DIAPH3: variants seen among roughly 807,000 people sequenced by gnomAD.
The protein encoded by DIAPH3 is diaphanous related formin 3.
A neutral mutation model predicts 144.3 loss-of-function variants in DIAPH3; 117 were observed. That is an observed-to-expected ratio of 0.81 (90% CI 0.70 to 0.95). The LOEUF (loss-of-function observed/expected upper bound fraction) is 0.95. DIAPH3 is among the 40% of genes least tolerant of loss of function. The pLI is 0.00. For missense variants in DIAPH3, 1,421 were observed against 1,412.7 expected, an observed-to-expected ratio of 1.01 and a Z score of -0.09; for synonymous variants, 519 against 488.9, an observed-to-expected ratio of 1.06 and a Z score of -0.81.
intron 27 of DIAPH3, among the ~76,000 whole-genome samples, chr13:59,705,323 T>C (rs1209369457): frequency 6.6e-6 from 1 of 152,228 alleles, no homozygotes; most frequent in African/African-American, 2.4e-5. Context: ...TGTGGGAAGT[T>C]ATACTCTTAT....
chr13:59,744,654 C>T (rs1239997212), intron 27 of DIAPH3, among the ~76,000 whole-genome samples: 1 of 152,124 alleles, frequency 6.6e-6, no homozygotes, highest in Non-Finnish European at 1.5e-5. Context: ...GGAAAGACAA[C>T]TATAACCACC....
chr13:60,149,521 T>C (rs1309864165), intron 1 of DIAPH3, among the ~76,000 whole-genome samples: 4 of 151,858 alleles, frequency 2.6e-5, no homozygotes, highest in Non-Finnish European at 5.9e-5. Context: ...GAGGCTGAGG[T>C]AGAAGAACTA....
chr13:59,854,925 A>G (rs538838529), intron 22 of DIAPH3, among the ~76,000 whole-genome samples: 3 of 152,256 alleles, frequency 2.0e-5, no homozygotes, highest in African/African-American at 7.2e-5. Context: ...TTTCTTCTTC[A>G]TCATCATCTA....
chr13:59,979,273 T>C lies in DIAPH3; in HGVS notation c.1545+1522A>G, dbSNP rs527530223. ...TTTGACTCCATTCATATATACTATA[T>C]ACCTAAAAATGATAACAAAATCAAA... is the stretch of plus-strand genomic sequence containing the variant. On this transcript the variant is annotated intron_variant, in intron 14 of 27. Coordinates refer to ENST00000400324, the MANE Select transcript of DIAPH3 (RefSeq NM_001042517.2). Among the ~76,000 whole-genome samples, 4 of 151,744 alleles carry C rather than the reference T, an allele frequency of 2.6e-5. No homozygotes were observed. In the East Asian group the frequency reaches 7.8e-4, roughly 30 times the overall value.
At chr13:59,927,822 C>T (rs530656835) in intron 17 of DIAPH3, among the ~76,000 whole-genome samples, 4 of 152,100 alleles carry the variant, frequency 2.6e-5, no homozygotes, top group Admixed American at 6.5e-5. Context: ...TCACTCTTTG[C>T]CTTTGCCTTT....
intron 27 of DIAPH3, among the ~76,000 whole-genome samples, chr13:59,673,077 G>A (rs1278779539): frequency 6.6e-6 from 1 of 152,194 alleles, no homozygotes; most frequent in Non-Finnish European, 1.5e-5. Flanking sequence ...CTAATTGAGT[G>A]TAGGGCTACA....
Position 60,016,079 on chromosome 13 carries a change from A to G in DIAPH3, c.693T>C (p.Ser231=), listed in dbSNP as rs1594349035. 1.9e-6 allele frequency: 3 copies of G among 1,613,452 alleles called. No homozygotes were observed. The highest frequency in any genetic ancestry group is 1.7e-6 in the Non-Finnish European group (2 of 1,179,640). ...TTATTAGCAATACTTACATTTTTCC[A>G]CTAATCAGTTTTTCCAAAATGTCTA... ...LLLDILEKLI[S]GKIQEKVVKK... The change falls in exon 6 of 28, where the codon AGT becomes AGC. Residue 231 remains serine, a synonymous_variant. Transcript: ENST00000400324.
chr13:59,811,986 T>C (rs965385153), intron 24 of DIAPH3, among the ~76,000 whole-genome samples: 3 of 152,034 alleles, frequency 2.0e-5, no homozygotes, highest in Non-Finnish European at 4.4e-5. Flanking sequence ...TAAACACCAA[T>C]GAAACCAAAC....
chr13:59,715,963 T>A (rs535313540), intron 27 of DIAPH3, among the ~76,000 whole-genome samples: 1 of 152,128 alleles, frequency 6.6e-6, no homozygotes, highest in Non-Finnish European at 1.5e-5. Context: ...GTTAAAAAAA[T>A]TTTAAAGTGG....
intron 12 of DIAPH3, among the ~76,000 whole-genome samples, chr13:59,988,654 G>GAAT (rs1459924359): frequency 6.6e-6 from 1 of 151,846 alleles, no homozygotes; most frequent in Admixed American, 6.6e-5. Context: ...AGGAATATGT[G>GAAT]AATAACTTAA....
intron 21 of DIAPH3, among the ~76,000 whole-genome samples, chr13:59,872,376 C>T (rs1221965368): frequency 6.6e-6 from 1 of 152,068 alleles, no homozygotes; most frequent in Non-Finnish European, 1.5e-5. Context: ...CATTAAAGGA[C>T]TTAACAAAAC....
intron 21 of DIAPH3, among the ~76,000 whole-genome samples, chr13:59,877,218 C>T (rs1235164895): frequency 1.3e-5 from 2 of 152,074 alleles, no homozygotes; most frequent in African/African-American, 4.8e-5. Context: ...TTTGAGCAAC[C>T]ACTTCAAACA....
At chr13:59,945,113 T>C (rs572236580) in intron 17 of DIAPH3, among the ~76,000 whole-genome samples, 1 of 152,240 alleles carries the variant, frequency 6.6e-6, no homozygotes, top group South Asian at 2.1e-4. Context: ...ACAACTCAAA[T>C]GTTTCTTTGA....
chr13:60,019,550 T>A (rs576755887), intron 5 of DIAPH3, among the ~76,000 whole-genome samples: 1 of 151,298 alleles, frequency 6.6e-6, no homozygotes, highest in South Asian at 2.1e-4. Context: ...CATTTCCTAG[T>A]AGGGGTCTCA....
chr13:59,941,407 C>G (rs1354597075), intron 17 of DIAPH3, among the ~76,000 whole-genome samples: 1 of 152,114 alleles, frequency 6.6e-6, no homozygotes, highest in Non-Finnish European at 1.5e-5. Context: ...TTCCTCCTCC[C>G]TCATGGTGCA....
chr13:59,884,385 T>C (rs2045300132), intron 20 of DIAPH3, among the ~76,000 whole-genome samples: 1 of 152,116 alleles, frequency 6.6e-6, no homozygotes, highest in Non-Finnish European at 1.5e-5. Context: ...TGTAATATGG[T>C]TGAATCATCC....
chr13:59,880,686 T>C (rs1412758021), intron 20 of DIAPH3, among the ~76,000 whole-genome samples: 5 of 152,138 alleles, frequency 3.3e-5, no homozygotes, highest in Non-Finnish European at 2.9e-5. Flanking sequence ...CTGACAAAAA[T>C]TGAGCAATAA....
intron 3 of DIAPH3, among the ~76,000 whole-genome samples, chr13:60,103,285 A>C (rs2058323925): frequency 6.6e-6 from 1 of 152,018 alleles, no homozygotes; most frequent in African/African-American, 2.4e-5. Flanking sequence ...CACACGTTAG[A>C]CTCAATATTT....
chr13:59,787,947 C>T (rs903414059), intron 25 of DIAPH3, among the ~76,000 whole-genome samples: 1 of 152,138 alleles, frequency 6.6e-6, no homozygotes, highest in Non-Finnish European at 1.5e-5. Flanking sequence ...GGTTACAGGC[C>T]CTCAGTGAAC....
Sources: allele counts gnomAD v4.1 joint callset (sites outside exome capture counted in the v4.1 genomes callset), GRCh38; gene constraint gnomAD v4.1.1; transcripts MANE v1.5; gene names NCBI Gene and HGNC (gene_info 2026-07-23, HGNC 2026-07-21).